Variants in NTRK2 observed in about 807,000 individuals in gnomAD.
The protein encoded by NTRK2 is BDNF/NT-3 growth factors receptor.
In NTRK2, 13 loss-of-function variants were observed where a neutral mutation model predicts 94.5. The observed-to-expected ratio is 0.14, with a 90% CI of 0.09 to 0.22. The LOEUF (loss-of-function observed/expected upper bound fraction) is 0.22. Ranked by LOEUF, NTRK2 falls within the 10% of genes least tolerant of loss-of-function variation. The pLI, the probability that NTRK2 is intolerant of heterozygous loss-of-function variation, is 1.00. For missense variants in NTRK2, 639 were observed against 1,071.2 expected (o/e 0.60, Z 5.63); for synonymous variants, 372 against 407.4 (o/e 0.91, Z 1.05).
intron 14 of NTRK2, among the ~76,000 whole-genome samples, chr9:84,889,755 G>T (rs1276999713): frequency 6.6e-6 from 1 of 152,146 alleles, no homozygotes; most frequent in Non-Finnish European, 1.5e-5. Flanking sequence ...TATCATTGGT[G>T]GCATATTCTA....
rs571758264 is a variant in NTRK2, at chr9:84,959,463, A to G, written c.2172+3946A>G. ...GGTGGCTTATAAGCAGCCTTGAGGG[A>G]TAGCCATGTCTCTGTGCAATTCATG... On this transcript the variant is annotated intron_variant, in intron 17 of 18. Transcript: ENST00000277120. 6.6e-5 allele frequency among the ~76,000 whole-genome samples: 10 copies of G among 152,308 alleles called. No individual in the cohort carries two copies. The South Asian group carries it at 1.7e-3, about 25-fold the overall frequency.
chr9:84,776,042 T>C (rs896205724), intron 12 of NTRK2, among the ~76,000 whole-genome samples: 5 of 152,120 alleles, frequency 3.3e-5, no homozygotes, highest in South Asian at 2.1e-4. Context: ...AGAAACTTCA[T>C]TGTGGGCTGT....
At chr9:84,877,261 T>G (rs1028904441) in intron 14 of NTRK2, 2 of 1,065,754 alleles carry the variant, frequency 1.9e-6, no homozygotes, top group African/African-American at 3.3e-5. Context: ...TTAGTTCTCT[T>G]TGAGGATTCA....
intron 12 of NTRK2, chr9:84,814,904 T>G (rs201649941): frequency 1.0e-5 from 11 of 1,061,056 alleles, no homozygotes; most frequent in Non-Finnish European, 1.3e-5. Flanking sequence ...GTAACCACTC[T>G]ATTAAGTGTG....
intron 11 of NTRK2, among the ~76,000 whole-genome samples, chr9:84,747,072 G>C (rs947725539): frequency 2.6e-5 from 4 of 152,084 alleles, no homozygotes; most frequent in African/African-American, 9.7e-5. Context: ...TGATCCATTA[G>C]GGGTTTGGTG....
intron 4 of NTRK2, among the ~76,000 whole-genome samples, chr9:84,703,377 T>A (rs892234942): frequency 2.0e-5 from 3 of 152,162 alleles, no homozygotes; most frequent in African/African-American, 7.2e-5. Context: ...AAAATAAGAG[T>A]GAGAGAGTTC....
At chr9:85,002,030 A>C (rs949658176) in intron 17 of NTRK2, among the ~76,000 whole-genome samples, 1 of 152,308 alleles carries the variant, frequency 6.6e-6, no homozygotes, top group East Asian at 1.9e-4. Flanking sequence ...CATGACAGAA[A>C]ATCTGATTGC....
chr9:84,681,791 C>T (rs2059408019), intron 2 of NTRK2, among the ~76,000 whole-genome samples: 1 of 152,074 alleles, frequency 6.6e-6, no homozygotes. Context: ...CCCAGTGTCT[C>T]TTAAAATAAT....
At chr9:84,754,574 A>G (rs2064915314) in intron 12 of NTRK2, among the ~76,000 whole-genome samples, 1 of 152,240 alleles carries the variant, frequency 6.6e-6, no homozygotes, top group Non-Finnish European at 1.5e-5. Flanking sequence ...TGCTTAAAAA[A>G]GGGAAGAAAA....
intron 12 of NTRK2, among the ~76,000 whole-genome samples, chr9:84,831,635 A>G (rs1488592711): frequency 2.6e-5 from 4 of 152,208 alleles, no homozygotes; most frequent in Non-Finnish European, 5.9e-5. Flanking sequence ...GTGAGGCCCA[A>G]GGAGGCTAAA....
chr9:84,689,289 G>A (rs2059904255), intron 2 of NTRK2, among the ~76,000 whole-genome samples: 1 of 152,236 alleles, frequency 6.6e-6, no homozygotes, highest in Non-Finnish European at 1.5e-5. Flanking sequence ...CATGCCCTTT[G>A]GCTTGTCTGT....
At chr9:84,760,042 T>C (rs569584168) in intron 12 of NTRK2, among the ~76,000 whole-genome samples, 53 of 152,336 alleles carry the variant, frequency 3.5e-4, no homozygotes, top group African/African-American at 1.3e-3. Flanking sequence ...GACAGCCTGT[T>C]TGAATAATGC....
intron 14 of NTRK2, among the ~76,000 whole-genome samples, chr9:84,914,652 G>T (rs59841239): frequency 6.6e-6 from 1 of 152,124 alleles, no homozygotes; most frequent in East Asian, 1.9e-4. Context: ...GGAGTATAGC[G>T]ATTCTTGTCT....
chr9:84,716,874 T>C (rs1272415475), intron 6 of NTRK2, among the ~76,000 whole-genome samples: 1 of 152,252 alleles, frequency 6.6e-6, no homozygotes. Flanking sequence ...AATTTGAGCT[T>C]GCAAAGTCAT....
intron 17 of NTRK2, among the ~76,000 whole-genome samples, chr9:84,973,905 G>C (rs1826487232): frequency 6.6e-6 from 1 of 152,120 alleles, no homozygotes; most frequent in Non-Finnish European, 1.5e-5. Context: ...CAAAGATACA[G>C]TTTCTCCTAC....
intron 12 of NTRK2, chr9:84,811,330 G>A (rs200962840): frequency 1.9e-6 from 2 of 1,064,550 alleles, no homozygotes; most frequent in Admixed American, 5.3e-5. Context: ...AGAAGAAGAA[G>A]AAAAAAAACA....
chr9:84,742,613 A>G (rs1380656874), intron 10 of NTRK2, among the ~76,000 whole-genome samples: 14 of 152,142 alleles, frequency 9.2e-5, no homozygotes, highest in Non-Finnish European at 1.3e-4. Context: ...CAATTGGGTC[A>G]TAGTCCATTC....
chr9:85,022,717 G>A lies in NTRK2; in HGVS notation c.*1280G>A, dbSNP rs1251472018. ...GATAGGTAGAGCAGATCCATAAAAA[G>A]GTATGACTTATACAATTAGGGGAAG... On this transcript the variant is annotated 3_prime_UTR_variant, in exon 19 of 19. Transcript: ENST00000277120. 1.7e-5 allele frequency: 4 copies of A among 233,120 alleles called. No individual in the cohort carries two copies. In the Admixed American group the frequency reaches 2.2e-4, roughly 13 times the overall value. The allele number at this position is 233,120 out of a possible 1,614,324, so 14.4% of individuals were successfully genotyped here.
intron 12 of NTRK2, among the ~76,000 whole-genome samples, chr9:84,799,589 A>AT (rs11362644): frequency 3.1e-4 from 46 of 149,500 alleles, no homozygotes; most frequent in Middle Eastern, 3.5e-3. Flanking sequence ...TAGGATGGGG[A>AT]TTTTTTTTTT....
Sources: allele counts gnomAD v4.1 joint callset (sites outside exome capture counted in the v4.1 genomes callset), GRCh38; gene constraint gnomAD v4.1.1; transcripts MANE v1.5; gene names NCBI Gene and HGNC (gene_info 2026-07-23, HGNC 2026-07-21).